The following CHM variants were observed in gnomAD, a reference collection of about 807,000 sequenced individuals.
CHM encodes rab proteins geranylgeranyltransferase component A 1.
Under a neutral mutation model 49.0 loss-of-function variants are expected in CHM, and 10 were observed. That is an observed-to-expected ratio of 0.20 (90% CI 0.13 to 0.35). The LOEUF is 0.35. CHM is among the 10% of genes least tolerant of loss of function. CHM has a pLI of 1.00. For synonymous variants in CHM, 184 were observed against 167.5 expected, an observed-to-expected ratio of 1.10 and a Z score of -0.76; for missense variants, 455 against 478.4, an observed-to-expected ratio of 0.95 and a Z score of 0.46.
intron 2 of CHM, among the ~76,000 whole-genome samples, chrX:85,986,472 A>G (rs778388620): frequency 2.7e-5 from 3 of 111,523 alleles, no homozygotes; most frequent in South Asian, 7.6e-4. Context: ...TAGCGGAGGC[A>G]CACAACCAAG....
chrX:85,977,948 CAAT>C (rs1045235585), intron 4 of CHM, among the ~76,000 whole-genome samples: 3 of 111,899 alleles, frequency 2.7e-5, no homozygotes, highest in Non-Finnish European at 3.8e-5. Context: ...TCTGCCACAA[CAAT>C]GATATGTAAG....
chrX:86,026,902 T>C (rs1008545167), intron 2 of CHM: 1 of 112,596 alleles, frequency 8.9e-6, no homozygotes, highest in African/African-American at 3.2e-5. Context: ...GGGGTTTGTT[T>C]TGGGCGGATA....
In CHM at chrX:85,927,224, A is replaced by T. The variant is rs779658789; in HGVS notation, c.1167-15886T>A. ...GTTAGTACAGTCTTGGATTTTTTTT[A>T]AAAAATAAATTTACTTTAATAGGCT... On this transcript the variant is annotated intron_variant, in intron 8 of 14. Coordinates refer to ENST00000357749, the MANE Select transcript of CHM (RefSeq NM_000390.4). Among the ~76,000 whole-genome samples the T allele has an allele frequency of 7.9e-4, 89 of 112,187 alleles. 1 individual carries two copies. Among genetic ancestry groups the T allele is most frequent in the Admixed American group, 5.7e-4 (6 of 10,554 alleles).
intron 4 of CHM, among the ~76,000 whole-genome samples, chrX:85,972,792 G>C (rs999115704): frequency 1.8e-5 from 2 of 112,309 alleles, no homozygotes; most frequent in African/African-American, 6.5e-5. Context: ...TGCCAGCCCA[G>C]AAAGGGGCTC....
rs762788610 is a variant in CHM, at chrX:85,888,436, T to A, written c.1510+5752A>T. On this transcript the variant is annotated intron_variant, in intron 12 of 14. Coordinates refer to ENST00000357749, the MANE Select transcript of CHM (RefSeq NM_000390.4). ...CTGCCATTGGATGTGTAAGTCGATA[T>A]AACTTTGGGGGCACTTTGAGACTTC... Among the ~76,000 whole-genome samples, 5 of 112,236 alleles carry A rather than the reference T, an allele frequency of 4.5e-5. 1 individual carries two copies. The East Asian group carries it at 1.4e-3, about 32-fold the overall frequency.
intron 8 of CHM, among the ~76,000 whole-genome samples, chrX:85,954,940 T>C (rs748090716): frequency 9.4e-6 from 1 of 106,381 alleles, no homozygotes; most frequent in East Asian, 2.9e-4. Flanking sequence ...TGCAACAACA[T>C]GACAACATGG....
intron 2 of CHM, among the ~76,000 whole-genome samples, chrX:86,020,522 A>T (rs1333853795): frequency 9.3e-6 from 1 of 107,337 alleles, no homozygotes; most frequent in Non-Finnish European, 1.9e-5. Flanking sequence ...ATACATAGCA[A>T]ATATTACTAT....
At position 85,935,432 on chromosome X, in the gene CHM, C is replaced by T. The variant is rs150541650; in HGVS notation, c.1166+20721G>A. Among the ~76,000 whole-genome samples the T allele has an allele frequency of 9.9e-5, 11 of 111,175 alleles. No homozygotes were observed. In the East Asian group the frequency reaches 2.6e-3, roughly 26 times the overall value. ...CGCTTAACAACAGGTCTGAGAAATG[C>T]ACCATTAGGCAATTTCATTGTTGTG... On this transcript the variant is annotated intron_variant, in intron 8 of 14. Transcript: ENST00000357749.
At chrX:86,037,758 C>T (rs1335600430) in intron 1 of CHM, among the ~76,000 whole-genome samples, 2 of 111,024 alleles carry the variant, frequency 1.8e-5, no homozygotes, top group Admixed American at 9.5e-5. Context: ...AAAAACTTTT[C>T]AGCTTTATAA....
intron 11 of CHM, among the ~76,000 whole-genome samples, chrX:85,896,914 A>T (rs1925881637): frequency 1.0e-5 from 1 of 96,624 alleles, no homozygotes; most frequent in African/African-American, 3.8e-5. Context: ...TACTATATAT[A>T]ATACATAATA....
At chrX:85,940,981 C>G (rs1359188151) in intron 8 of CHM, among the ~76,000 whole-genome samples, 1 of 111,483 alleles carries the variant, frequency 9.0e-6, no homozygotes, top group Admixed American at 9.6e-5. Flanking sequence ...TAAGTGCATA[C>G]CATCTGTCTT....
chrX:85,978,236 C>T (rs1330479871), intron 4 of CHM, among the ~76,000 whole-genome samples: 4 of 111,717 alleles, frequency 3.6e-5, no homozygotes, highest in African/African-American at 1.3e-4. Flanking sequence ...AATATGTACC[C>T]AAATATTATG....
chrX:85,964,674 G>A (rs1403841310), intron 4 of CHM, among the ~76,000 whole-genome samples: 1 of 111,657 alleles, frequency 9.0e-6, no homozygotes, highest in Admixed American at 9.5e-5. Context: ...AGATTAAGTT[G>A]GCCTATCACA....
intron 8 of CHM, among the ~76,000 whole-genome samples, chrX:85,946,397 C>T (rs916565949): frequency 3.9e-4 from 42 of 108,668 alleles, no homozygotes; most frequent in African/African-American, 1.3e-3. Flanking sequence ...GTTTCGGGAG[C>T]CAGGCCCAGG....
chrX:85,912,467 G>A (rs1234401017), intron 8 of CHM, among the ~76,000 whole-genome samples: 2 of 111,564 alleles, frequency 1.8e-5, no homozygotes, highest in Admixed American at 9.5e-5. Flanking sequence ...CTATCTGATT[G>A]AGATTATAAA....
chrX:85,985,471 T>C (rs1003382812), intron 2 of CHM, among the ~76,000 whole-genome samples: 2 of 111,378 alleles, frequency 1.8e-5, no homozygotes, highest in Admixed American at 9.5e-5. Flanking sequence ...TTGGATGACA[T>C]AGCCATTCCA....
At chrX:86,008,963 G>GA (rs1272583763) in intron 2 of CHM, among the ~76,000 whole-genome samples, 3 of 112,090 alleles carry the variant, frequency 2.7e-5, no homozygotes, top group South Asian at 3.7e-4. Context: ...TCCATGAATG[G>GA]AAAAATCTTT....
intron 2 of CHM, among the ~76,000 whole-genome samples, chrX:85,984,409 A>G (rs1931798979): frequency 9.0e-6 from 1 of 110,958 alleles, no homozygotes; most frequent in African/African-American, 3.3e-5. Flanking sequence ...ATTACAAATG[A>G]GCATATGAGA....
chrX:86,006,977 C>G (rs184697796), intron 2 of CHM, among the ~76,000 whole-genome samples: 22 of 111,472 alleles, frequency 2.0e-4, no homozygotes, highest in South Asian at 7.6e-4. Context: ...AAAGAACAAA[C>G]CTGGAGGCAT....
Sources: allele counts gnomAD v4.1 joint callset (sites outside exome capture counted in the v4.1 genomes callset), GRCh38; gene constraint gnomAD v4.1.1; transcripts MANE v1.5; gene names NCBI Gene and HGNC (gene_info 2026-07-23, HGNC 2026-07-21).